The following CENPW variants were observed in gnomAD, a reference collection of about 807,000 sequenced individuals.
CENPW encodes centromere protein W, also known as cancer-up-regulated gene 2 protein.
In CENPW, 3 loss-of-function variants were observed where a neutral mutation model predicts 11.1. That is an observed-to-expected ratio of 0.27 (90% CI 0.12 to 0.70). The LOEUF (loss-of-function observed/expected upper bound fraction) is 0.70. Ranked by LOEUF, CENPW falls within the 30% of genes least tolerant of loss-of-function variation. The pLI is 0.77. For synonymous variants in CENPW, 38 were observed against 42.0 expected (o/e 0.91, Z 0.37); for missense variants, 100 against 105.6 (o/e 0.95, Z 0.23).
the CENPW span, among the ~76,000 whole-genome samples, chr6:126,399,575 CTTT>C: frequency 6.6e-6 from 1 of 151,580 alleles, no homozygotes; most frequent in Non-Finnish European, 1.5e-5. Flanking sequence ...ATCTGTTTTT[CTTT>C]TTTATTACCT....
At chr6:126,408,179 A>C in the CENPW span, among the ~76,000 whole-genome samples, 1 of 152,176 alleles carries the variant, frequency 6.6e-6, no homozygotes, top group African/African-American at 2.4e-5. Context: ...CTGGCTAGCC[A>C]TATGCAGAAA....
downstream of CENPW, among the ~76,000 whole-genome samples, chr6:126,349,654 G>A (rs569361340): frequency 1.6e-4 from 24 of 152,096 alleles, 1 homozygote; most frequent in South Asian, 6.2e-4. Flanking sequence ...TTTTATTACT[G>A]AGTAGTATTC....
At chr6:126,401,067 A>G in the CENPW span, among the ~76,000 whole-genome samples, 521 of 152,158 alleles carry the variant, frequency 3.4e-3, 5 homozygotes, top group East Asian at 0.031. Flanking sequence ...ATCTCTTTAC[A>G]TCATGTTTTC....
the CENPW span, among the ~76,000 whole-genome samples, chr6:126,480,117 A>G: frequency 6.6e-6 from 1 of 152,032 alleles, no homozygotes. Context: ...TATTTATAAT[A>G]CAAAAATTGG....
At chr6:126,380,561 A>G in the CENPW span, among the ~76,000 whole-genome samples, 11 of 152,370 alleles carry the variant, frequency 7.2e-5, no homozygotes, top group East Asian at 1.9e-3. Flanking sequence ...CTACTCTAGC[A>G]TGTGAATCTT....
chr6:126,444,870 C>A, the CENPW span, among the ~76,000 whole-genome samples: 1 of 151,104 alleles, frequency 6.6e-6, no homozygotes, highest in South Asian at 2.1e-4. Context: ...GATGAGCCTG[C>A]CCAGTTTTGT....
At chr6:126,350,862 A>G (rs774712228), downstream of CENPW, among the ~76,000 whole-genome samples, 10 of 151,812 alleles carry the variant, frequency 6.6e-5, no homozygotes, top group Non-Finnish European at 8.8e-5. Context: ...AAAAATAGTT[A>G]TAAATAAATA....
the CENPW span, among the ~76,000 whole-genome samples, chr6:126,478,297 T>G: frequency 6.6e-6 from 1 of 151,788 alleles, no homozygotes; most frequent in East Asian, 1.9e-4. Flanking sequence ...TTTTAAATAA[T>G]GAAGCAAAAA....
chr6:126,481,860 C>T, the CENPW span, among the ~76,000 whole-genome samples: 1,167 of 152,036 alleles, frequency 7.7e-3, 14 homozygotes, highest in African/African-American at 0.026. Context: ...AATTTTAGCA[C>T]CATAATGAAT....
the CENPW span, among the ~76,000 whole-genome samples, chr6:126,431,216 G>A: frequency 3.9e-5 from 6 of 152,170 alleles, no homozygotes; most frequent in Non-Finnish European, 7.3e-5. Flanking sequence ...TAAACTTCTA[G>A]TCCATTGGAT....
the CENPW span, among the ~76,000 whole-genome samples, chr6:126,401,219 G>T: frequency 1.3e-5 from 2 of 152,034 alleles, no homozygotes; most frequent in Non-Finnish European, 2.9e-5. Flanking sequence ...GCTTGGTTTA[G>T]GTTTTGTTAT....
chr6:126,384,613 A>G, the CENPW span, among the ~76,000 whole-genome samples: 1 of 152,194 alleles, frequency 6.6e-6, no homozygotes, highest in Non-Finnish European at 1.5e-5. Context: ...TACACTATAC[A>G]AAAATCAACT....
At chr6:126,359,533 C>T in the CENPW span, among the ~76,000 whole-genome samples, 4 of 151,914 alleles carry the variant, frequency 2.6e-5, no homozygotes, top group South Asian at 8.3e-4. Context: ...TTGAAGTCTC[C>T]CACTATTACT....
chr6:126,401,272 G>A, the CENPW span, among the ~76,000 whole-genome samples: 1 of 152,028 alleles, frequency 6.6e-6, no homozygotes, highest in Non-Finnish European at 1.5e-5. Flanking sequence ...TAGAGTACAG[G>A]CTGGTTTGCC....
chr6:126,476,862 T>A, the CENPW span, among the ~76,000 whole-genome samples: 1 of 151,764 alleles, frequency 6.6e-6, no homozygotes, highest in African/African-American at 2.4e-5. Context: ...TAAAACCAGA[T>A]GGGTTAATGT....
At chr6:126,360,058 A>T in the CENPW span, among the ~76,000 whole-genome samples, 9 of 152,118 alleles carry the variant, frequency 5.9e-5, no homozygotes, top group African/African-American at 2.2e-4. Context: ...TTGTGGTAGC[A>T]AAACATATTT....
the CENPW span, among the ~76,000 whole-genome samples, chr6:126,462,000 ATAT>A: frequency 1.3e-5 from 2 of 151,974 alleles, no homozygotes; most frequent in Non-Finnish European, 2.9e-5. Context: ...TCTCACTAAA[ATAT>A]TAGAAACTTA....
the CENPW span, among the ~76,000 whole-genome samples, chr6:126,469,868 G>A: frequency 6.6e-6 from 1 of 152,186 alleles, no homozygotes; most frequent in Non-Finnish European, 1.5e-5. Flanking sequence ...AAATGTCTAA[G>A]CAGCAAAGCA....
chr6:126,452,189 A>G, the CENPW span, among the ~76,000 whole-genome samples: 39 of 151,208 alleles, frequency 2.6e-4, no homozygotes, highest in African/African-American at 2.4e-5. Flanking sequence ...AGGACCTACT[A>G]TCTCATAGTG....
Sources: allele counts gnomAD v4.1 joint callset (sites outside exome capture counted in the v4.1 genomes callset), GRCh38; gene constraint gnomAD v4.1.1; transcripts MANE v1.5; gene names NCBI Gene and HGNC (gene_info 2026-07-23, HGNC 2026-07-21).